Variants in FRMD6 observed in about 807,000 individuals in gnomAD.
FRMD6 encodes the protein FERM domain-containing protein 6.
FRMD6 carries 37 observed loss-of-function variants against 73.2 expected under a neutral mutation model. The observed-to-expected ratio is 0.51, with a 90% CI of 0.39 to 0.66. The LOEUF (loss-of-function observed/expected upper bound fraction) is 0.66. Among genes scored for constraint, FRMD6 ranks in the 30% least tolerant of loss-of-function variants. FRMD6 has a pLI of 0.00. For synonymous variants in FRMD6, 273 were observed against 282.2 expected (o/e 0.97, Z 0.33); for missense variants, 714 against 780.5 (o/e 0.91, Z 1.02).
At chr14:51,530,608 G>C (rs930661642) in intron 1 of FRMD6, among the ~76,000 whole-genome samples, 1 of 151,664 alleles carries the variant, frequency 6.6e-6, no homozygotes, top group Admixed American at 6.6e-5. Flanking sequence ...GGCCTCCCGA[G>C]TAGCTGGGAC....
chr14:51,607,450 A>G (rs1411114293), intron 2 of FRMD6, among the ~76,000 whole-genome samples: 1 of 152,198 alleles, frequency 6.6e-6, no homozygotes, highest in Admixed American at 6.5e-5. Flanking sequence ...TGCCAACTCT[A>G]ATGTTGACTG....
chr14:51,475,488 G>A, the FRMD6 span, among the ~76,000 whole-genome samples: 1 of 152,124 alleles, frequency 6.6e-6, no homozygotes, highest in Non-Finnish European at 1.5e-5. Flanking sequence ...GAGGGCTGTG[G>A]CCACCTAAGA....
rs1449897254 is a variant in FRMD6 at position 51,525,435 on chromosome 14, A to AT, written c.-210+36021dup. ...AGGTATGCACCACCAAGCCCAGCTA[A>AT]TTTTTTGTATTTTAGTAGAGATGGG... On this transcript the variant is annotated intron_variant, in intron 1 of 14. Coordinates refer to the FRMD6 transcript ENST00000356218. Among the ~76,000 whole-genome samples the AT allele has an allele frequency of 4.6e-5, 7 of 151,556 alleles. No individual in the cohort carries two copies. In the South Asian group the frequency reaches 6.3e-4, roughly 14 times the overall value.
chr14:51,660,293 G>A (rs976628891), intron 1 of FRMD6, among the ~76,000 whole-genome samples: 2 of 152,166 alleles, frequency 1.3e-5, no homozygotes, highest in African/African-American at 4.8e-5. Flanking sequence ...GATGTTTCCA[G>A]ATGAGTGTGA....
upstream of FRMD6, chr14:51,651,658 T>TCTCC (rs1484662568): frequency 2.8e-5 from 4 of 144,476 alleles, no homozygotes; most frequent in African/African-American, 1.0e-4. Context: ...CGCTTTCTCC[T>TCTCC]GCCCCCAAGT....
chr14:51,417,451 C>A, the FRMD6 span, among the ~76,000 whole-genome samples: 76 of 152,326 alleles, frequency 5.0e-4, no homozygotes, highest in African/African-American at 1.4e-3. Context: ...GTTGAAAATT[C>A]TTTTCTTTAA....
At chr14:51,424,784 T>C in the FRMD6 span, among the ~76,000 whole-genome samples, 4 of 152,216 alleles carry the variant, frequency 2.6e-5, no homozygotes, top group Non-Finnish European at 4.4e-5. Flanking sequence ...ACAAAGCTTA[T>C]GGGAAAAGAA....
the FRMD6 span, among the ~76,000 whole-genome samples, chr14:51,397,772 T>A: frequency 6.6e-6 from 1 of 152,148 alleles, no homozygotes; most frequent in Admixed American, 6.5e-5. Flanking sequence ...CAAAACACAG[T>A]CAAAAGTTTG....
the FRMD6 span, among the ~76,000 whole-genome samples, chr14:51,473,818 TCTTTA>T: frequency 6.7e-6 from 1 of 149,674 alleles, no homozygotes; most frequent in African/African-American, 2.5e-5. Flanking sequence ...TTCTATGCTT[TCTTTA>T]CTTTTTTTTT....
At chr14:51,552,051 T>C (rs1366498826) in intron 1 of FRMD6, among the ~76,000 whole-genome samples, 1 of 152,216 alleles carries the variant, frequency 6.6e-6, no homozygotes, top group Non-Finnish European at 1.5e-5. Context: ...TATAGTAGTG[T>C]ACAATGAATA....
At chr14:51,643,690 G>A (rs1891916861) in intron 2 of FRMD6, 1 of 152,260 alleles carries the variant, frequency 6.6e-6, no homozygotes, top group South Asian at 2.1e-4. Context: ...AGATGTGGTG[G>A]ACAGAGTAGT....
At chr14:51,689,355 G>A (rs1399384854) in intron 1 of FRMD6, among the ~76,000 whole-genome samples, 1 of 152,196 alleles carries the variant, frequency 6.6e-6, no homozygotes, top group African/African-American at 2.4e-5. Flanking sequence ...GCCATTTCAT[G>A]TTCAAAACCC....
At chr14:51,496,273 T>A (rs548325594) in intron 1 of FRMD6, among the ~76,000 whole-genome samples, 111 of 152,330 alleles carry the variant, frequency 7.3e-4, no homozygotes, top group African/African-American at 2.5e-3. Context: ...TTAAACTGAA[T>A]AGACTGTATC....
At chr14:51,587,673 A>G (rs1425103843) in intron 2 of FRMD6, among the ~76,000 whole-genome samples, 2 of 152,150 alleles carry the variant, frequency 1.3e-5, no homozygotes, top group African/African-American at 2.4e-5. Context: ...GAGCTGATAA[A>G]AAGGCCAGGA....
chr14:51,603,854 G>A (rs1414589190), intron 2 of FRMD6, among the ~76,000 whole-genome samples: 1 of 151,348 alleles, frequency 6.6e-6, no homozygotes, highest in Non-Finnish European at 1.5e-5. Context: ...AGGCACATAA[G>A]CACTAAAAAA....
intron 2 of FRMD6, among the ~76,000 whole-genome samples, chr14:51,642,383 T>G (rs771772341): frequency 9.9e-5 from 15 of 151,990 alleles, no homozygotes; most frequent in Non-Finnish European, 2.1e-4. Flanking sequence ...CTACTAATAA[T>G]AGAAAAATTA....
At chr14:51,590,324 G>A (rs148515187) in intron 2 of FRMD6, among the ~76,000 whole-genome samples, 167 of 152,202 alleles carry the variant, frequency 1.1e-3, no homozygotes, top group Admixed American at 9.5e-3. Flanking sequence ...CAGCCTCTTC[G>A]ATTTTTTTGG....
At chr14:51,708,384 T>C (rs1896754753) in intron 7 of FRMD6, 151 bp downstream of exon 7, 2 of 751,586 alleles carry the variant, frequency 2.7e-6, no homozygotes, top group South Asian at 1.9e-5. Context: ...CTTTTTGTTA[T>C]CGCACGTCAG....
At chr14:51,628,800 CAAA>C (rs764713119) in intron 2 of FRMD6, among the ~76,000 whole-genome samples, 1 of 52,324 alleles carries the variant, frequency 1.9e-5, no homozygotes, top group Non-Finnish European at 3.4e-5. Context: ...GACTCTGTCT[CAAA>C]AAAAAAAAAA....
Sources: allele counts gnomAD v4.1 joint callset (sites outside exome capture counted in the v4.1 genomes callset), GRCh38; gene constraint gnomAD v4.1.1; transcripts MANE v1.5; gene names NCBI Gene and HGNC (gene_info 2026-07-23, HGNC 2026-07-21).